Variants in SMAD5 observed in about 807,000 individuals in gnomAD.
SMAD5 encodes the protein MAD, mothers against decapentaplegic homolog 5.
In SMAD5, 9 loss-of-function variants were observed where a neutral mutation model predicts 43.1. That is an observed-to-expected ratio of 0.21 (90% CI 0.13 to 0.36). The LOEUF (loss-of-function observed/expected upper bound fraction) is 0.36, where lower values mean the gene tolerates loss of function less well. SMAD5 is among the 10% of genes least tolerant of loss of function. SMAD5 has a pLI of 1.00. For synonymous variants in SMAD5, 190 were observed against 192.4 expected (o/e 0.99, Z 0.10); for missense variants, 348 against 574.0 (o/e 0.61, Z 4.02).
chr5:136,142,003 G>T (rs957319425), intron 1 of SMAD5, among the ~76,000 whole-genome samples: 2 of 152,098 alleles, frequency 1.3e-5, no homozygotes, highest in African/African-American at 4.8e-5. Flanking sequence ...AAAAAATATA[G>T]AATTAGATGA....
At chr5:136,151,565 G>A (rs534280444) in intron 2 of SMAD5, among the ~76,000 whole-genome samples, 1 of 152,102 alleles carries the variant, frequency 6.6e-6, no homozygotes, top group East Asian at 1.9e-4. Flanking sequence ...AATGAGTAAG[G>A]AGAAGCCAAG....
chr5:136,173,698 G>T lies in SMAD5; in HGVS notation c.998-678G>T, dbSNP rs374924013. 5.3e-5 allele frequency among the ~76,000 whole-genome samples: 8 copies of T among 151,974 alleles called. No individual in the cohort carries two copies. In the South Asian group the frequency reaches 1.7e-3, roughly 32 times the overall value. On this transcript the variant is annotated intron_variant, in intron 6 of 7. Coordinates refer to ENST00000545279, the MANE Select transcript of SMAD5 (RefSeq NM_005903.7). ...AGTTCTAGGACCTTTTCTTTCATGGGTTAGTTTTGGGGTGGTGGAGGGATA... is the reference window on the plus strand; with the variant it reads ...AGTTCTAGGACCTTTTCTTTCATGGTTTAGTTTTGGGGTGGTGGAGGGATA...
intron 3 of SMAD5, among the ~76,000 whole-genome samples, chr5:136,158,305 G>A (rs894063187): frequency 2.0e-5 from 3 of 151,956 alleles, no homozygotes; most frequent in Non-Finnish European, 2.9e-5. Flanking sequence ...AAGAAAGACA[G>A]GAAACATATA....
At chr5:136,161,209 A>G in intron 4 of SMAD5, 102 bp downstream of exon 4, 1 of 478,980 alleles carries the variant, frequency 2.1e-6, no homozygotes, top group Non-Finnish European at 3.0e-6. Flanking sequence ...GCCAAGGTAT[A>G]ATAGCTGTTT....
intron 1 of SMAD5, among the ~76,000 whole-genome samples, chr5:136,146,074 A>T (rs1274838724): frequency 2.0e-5 from 3 of 151,900 alleles, no homozygotes; most frequent in Admixed American, 1.3e-4. Flanking sequence ...ATTTAGAGTT[A>T]GTCTGGATCT....
intron 2 of SMAD5, among the ~76,000 whole-genome samples, chr5:136,149,311 AG>A (rs1753370878): frequency 6.6e-6 from 1 of 151,812 alleles, no homozygotes; most frequent in Admixed American, 6.6e-5. Flanking sequence ...TGGTGGACAC[AG>A]CACTCATTTC....
intron 2 of SMAD5, among the ~76,000 whole-genome samples, chr5:136,148,185 C>T (rs957460830): frequency 3.3e-5 from 5 of 151,416 alleles, no homozygotes; most frequent in Non-Finnish European, 1.5e-5. Context: ...AACAATTTTT[C>T]CCACAAAATA....
chr5:136,175,892 A>G (rs770383507), intron 7 of SMAD5, among the ~76,000 whole-genome samples: 3 of 152,018 alleles, frequency 2.0e-5, no homozygotes, highest in Non-Finnish European at 4.4e-5. Flanking sequence ...TCCCTCCCCA[A>G]CCCAGTTTTC....
chr5:136,177,314 A>G, intron 7 of SMAD5, 23 bp from the exon 8 acceptor site: 2 of 1,612,028 alleles, frequency 1.2e-6, no homozygotes, highest in Non-Finnish European at 1.7e-6. Flanking sequence ...GGGATTTGTG[A>G]TGATATCTGT....
intron 1 of SMAD5, chr5:136,134,584 T>A (rs1203679765): frequency 6.6e-6 from 1 of 152,210 alleles, no homozygotes; most frequent in Admixed American, 6.5e-5. Context: ...GTATAACAAA[T>A]TATTTTAGTC....
In SMAD5 at chr5:136,161,035, C is replaced by T. The variant is rs746738599; in HGVS notation, c.583C>T (p.Pro195Ser). 1.2e-6 allele frequency: 2 copies of T among 1,613,748 alleles called. No individual in the cohort carries two copies. Among genetic ancestry groups the T allele is most frequent in the Admixed American group, 1.7e-5 (1 of 59,984 alleles). The change falls in exon 4 of 8, where the codon CCT (proline) becomes TCT (serine). Residue 195 changes from proline (P) to serine (S), a missense_variant. Physicochemically the swap from Pro to Ser is moderately conservative, Grantham distance 74 (BLOSUM62 -1). Transcript: ENST00000545279. ...FPLSPNSPYP[P>S]SPASSTYPNS... ...CTTATCTCCAAACAGCCCTTATCCC[C>T]CTTCTCCTGCTAGCAGCACATATCC... is the stretch of plus-strand genomic sequence containing the variant.
At chr5:136,167,423 C>T (rs1257461870) in intron 5 of SMAD5, among the ~76,000 whole-genome samples, 1 of 152,060 alleles carries the variant, frequency 6.6e-6, no homozygotes, top group Non-Finnish European at 1.5e-5. Flanking sequence ...TCTTTCTTCT[C>T]ATCTGAATTC....
At chr5:136,176,508 T>C (rs896014711) in intron 7 of SMAD5, among the ~76,000 whole-genome samples, 2 of 150,572 alleles carry the variant, frequency 1.3e-5, no homozygotes, top group Non-Finnish European at 3.0e-5. Flanking sequence ...TGACATGATC[T>C]TACATGAGGC....
chr5:136,148,704 G>T (rs1299825435), intron 2 of SMAD5, among the ~76,000 whole-genome samples: 1 of 151,690 alleles, frequency 6.6e-6, no homozygotes, highest in African/African-American at 2.4e-5. Flanking sequence ...TAACTTGTAA[G>T]TGGGGTAAAA....
chr5:136,167,012 C>A (rs1233094152), intron 5 of SMAD5, among the ~76,000 whole-genome samples: 1 of 152,152 alleles, frequency 6.6e-6, no homozygotes, highest in Non-Finnish European at 1.5e-5. Flanking sequence ...TTTCTCCTTT[C>A]TTTTTGCCAA....
rs145081699 is a variant in SMAD5 at position 136,141,173 on chromosome 5, A to G, written c.-244-6659A>G. 4.6e-5 allele frequency among the ~76,000 whole-genome samples: 7 copies of G among 152,318 alleles called. No individual in the cohort carries two copies. In the East Asian group the frequency reaches 1.4e-3, roughly 30 times the overall value. ...AGGGATTAAGAAAAGTGGTATAAGCAGAAAATGGCATTTGTAATATCTGAG... is the reference window on the plus strand; with the variant it reads ...AGGGATTAAGAAAAGTGGTATAAGCGGAAAATGGCATTTGTAATATCTGAG... On this transcript the variant is annotated intron_variant, in intron 1 of 7. Transcript: ENST00000545279.
rs1285299891 is a variant in SMAD5 at position 136,181,276 on chromosome 5, T to C, written c.*3796T>C. 2 of 152,184 alleles carry C rather than the reference T, an allele frequency of 1.3e-5. No individual in the cohort carries two copies. The highest frequency in any genetic ancestry group is 2.9e-5 in the Non-Finnish European group (2 of 67,998). The allele number at this position is 152,184 out of a possible 1,614,324, so 9.4% of individuals were successfully genotyped here. A position where few individuals can be genotyped will look rare whatever the true frequency, so the allele number is the denominator to read the frequency against. Reference sequence around the variant, plus strand: ...GAGTTCAGCCTTTTGTGATGACTTATATTTTGGACTTACATTTTAACTTTA... The same window carrying C: ...GAGTTCAGCCTTTTGTGATGACTTACATTTTGGACTTACATTTTAACTTTA... On this transcript the variant is annotated 3_prime_UTR_variant, in exon 8 of 8. Coordinates refer to ENST00000545279, the MANE Select transcript of SMAD5 (RefSeq NM_005903.7).
At chr5:136,148,721 C>T (rs760400890) in intron 2 of SMAD5, among the ~76,000 whole-genome samples, 13 of 151,624 alleles carry the variant, frequency 8.6e-5, no homozygotes, top group South Asian at 4.2e-4. Flanking sequence ...AAAATCAAAT[C>T]CTAGATCCTA....
chr5:136,152,028 A>G (rs1272724416), intron 2 of SMAD5, among the ~76,000 whole-genome samples: 1 of 152,050 alleles, frequency 6.6e-6, no homozygotes, highest in Non-Finnish European at 1.5e-5. Context: ...TCTCTATTTT[A>G]ATGTGGCCAG....
Sources: gnomAD v4.1 joint callset for allele counts (sites outside exome capture counted in the v4.1 genomes callset) on GRCh38, gnomAD v4.1.1 for gene constraint, MANE v1.5 for transcripts, NCBI Gene and HGNC (gene_info 2026-07-23, HGNC 2026-07-21) for gene names.